SLC37A1: variants seen among roughly 807,000 people sequenced by gnomAD.
SLC37A1 encodes solute carrier family 37 member 1, also known as glucose-6-phosphate exchanger SLC37A1.
Under a neutral mutation model 75.3 loss-of-function variants are expected in SLC37A1, and 49 were observed. The ratio of observed to expected loss-of-function variants is 0.65; its 90% CI spans 0.52 to 0.83. The LOEUF (loss-of-function observed/expected upper bound fraction) is 0.83, where lower values mean the gene tolerates loss of function less well. SLC37A1 is among the 40% of genes least tolerant of loss of function. The pLI is 0.00. For synonymous variants in SLC37A1, 268 were observed against 292.1 expected, an observed-to-expected ratio of 0.92 and a Z score of 0.84; for missense variants, 566 against 695.0, an observed-to-expected ratio of 0.81 and a Z score of 2.09.
chr21:42,501,848 G>A (rs181494655), intron 1 of SLC37A1, among the ~76,000 whole-genome samples: 1 of 152,322 alleles, frequency 6.6e-6, no homozygotes, highest in East Asian at 1.9e-4. Context: ...GCTGCAGATA[G>A]CCTCACTCTA....
intron 9 of SLC37A1, among the ~76,000 whole-genome samples, chr21:42,550,635 CT>C (rs905466510): frequency 1.2e-4 from 18 of 152,308 alleles, no homozygotes; most frequent in African/African-American, 3.6e-4. Flanking sequence ...ACTAAAACCT[CT>C]TAAGAAAACT....
chr21:42,532,929 G>A (rs1392546633), intron 3 of SLC37A1, among the ~76,000 whole-genome samples: 3 of 152,218 alleles, frequency 2.0e-5, no homozygotes, highest in African/African-American at 7.2e-5. Context: ...ACAGCCCAGT[G>A]ATGACGGCAG....
In SLC37A1 at chr21:42,543,463, C is replaced by A; in HGVS notation, c.591C>A (p.Asn197Lys). 6.2e-7 allele frequency: 1 copy of A among 1,614,174 alleles called. No individual in the cohort carries two copies. Among genetic ancestry groups the A allele is most frequent in the Non-Finnish European group, 8.5e-7 (1 of 1,180,016 alleles). Residue 197 changes from asparagine (N) to lysine (K), a missense_variant, in exon 8 of 20, where the codon AAC becomes AAA. Asn to Lys is a moderately conservative substitution (Grantham distance 94). Coordinates refer to ENST00000352133, the MANE Select transcript of SLC37A1 (RefSeq NM_001320537.2). ...GAGGTTTGATTATGGGGGTCTGGAA[C>A]TCCCACACCTCCGTGGGCAACATCT... ...GRRGLIMGVWNSHTSVGNILG... is the reference protein window; with the variant it reads ...GRRGLIMGVWKSHTSVGNILG...
At position 42,524,759 on chromosome 21, in the gene SLC37A1, T is replaced by C. The variant is rs368106140; in HGVS notation, c.57-1017T>C. On this transcript the variant is annotated intron_variant, in intron 2 of 19. Transcript: ENST00000352133. The stretch of plus-strand genomic sequence containing the variant: ...TTAAATAGATGAATGCTTTTGATAT[T>C]GTGACGTAATAATAAGAAACATGCT... 1.5e-4 allele frequency among the ~76,000 whole-genome samples: 23 copies of C among 152,216 alleles called. No homozygotes were observed. The East Asian group carries it at 1.9e-3, about 13-fold the overall frequency.
intron 17 of SLC37A1, among the ~76,000 whole-genome samples, chr21:42,569,690 C>G (rs73908204): frequency 0.027 from 4,054 of 152,378 alleles, 171 homozygotes; most frequent in African/African-American, 0.092. Context: ...CTGGAGCGCT[C>G]TCCCCATCCG....
chr21:42,574,086 TAAGAG>T (rs1281841857), intron 17 of SLC37A1, among the ~76,000 whole-genome samples: 2 of 152,212 alleles, frequency 1.3e-5, no homozygotes, highest in Non-Finnish European at 2.9e-5. Flanking sequence ...CTGAACCACT[TAAGAG>T]TAAGATGCAC....
chr21:42,579,475 G>C (rs967898764), intron 18 of SLC37A1, among the ~76,000 whole-genome samples: 1 of 36,626 alleles, frequency 2.7e-5, no homozygotes, highest in African/African-American at 6.9e-5. Flanking sequence ...CAAAAGCCTT[G>C]TTTTCAGGGC....
rs549527993 is a variant in SLC37A1, at chr21:42,538,162, G to T, written c.351-1350G>T. On this transcript the variant is annotated intron_variant, in intron 5 of 19. Transcript: ENST00000352133. ...AGCTCTCAGGAGCCCATCTGGTTGT[G>T]CCAGCTGTGCTGTGACCTGGGCAGG... is the stretch of plus-strand genomic sequence containing the variant. 5.3e-5 allele frequency among the ~76,000 whole-genome samples: 8 copies of T among 152,330 alleles called. No individual in the cohort carries two copies. In the East Asian group the frequency reaches 1.5e-3, roughly 29 times the overall value.
Position 42,552,433 on chromosome 21 carries a change from C to T in SLC37A1, c.769-1629C>T, listed in dbSNP as rs535784699. Among the ~76,000 whole-genome samples the T allele has an allele frequency of 8.5e-5, 13 of 152,276 alleles. No individual in the cohort carries two copies. Among genetic ancestry groups the T allele is most frequent in the Admixed American group, 5.2e-4 (8 of 15,306 alleles). ...CCAGCCCAGGATGATGTGGGGTGTG[C>T]GTGTTGAGTGTCAGGGACACAGACT... On this transcript the variant is annotated intron_variant, in intron 9 of 19. Transcript: ENST00000352133. This position sits in a 1 kb window ranked among gnomAD's most constrained non-coding sequence, Gnocchi z 4.2.
At chr21:42,515,823 A>G (rs1484714671) in intron 1 of SLC37A1, among the ~76,000 whole-genome samples, 1 of 152,032 alleles carries the variant, frequency 6.6e-6, no homozygotes, top group African/African-American at 2.4e-5. Context: ...TAGTGGTGCA[A>G]TCTCAGCTCA....
chr21:42,516,387 C>T (rs1305443914), intron 1 of SLC37A1, among the ~76,000 whole-genome samples: 4 of 152,182 alleles, frequency 2.6e-5, no homozygotes, highest in African/African-American at 4.8e-5. Context: ...GTGAAAAGAA[C>T]GCCCTGCCTC....
chr21:42,575,141 C>T, intron 18 of SLC37A1: 1 of 985,468 alleles, frequency 1.0e-6, no homozygotes, highest in Non-Finnish European at 1.2e-6. Flanking sequence ...CGGGATAGCA[C>T]AAAGGCCAGG....
intron 18 of SLC37A1, chr21:42,575,621 T>C: frequency 2.0e-6 from 2 of 985,506 alleles, no homozygotes; most frequent in East Asian, 1.1e-4. Context: ...ACAAGTCACC[T>C]GGCCACAAAG....
chr21:42,578,953 G>A (rs2056361889), intron 18 of SLC37A1, among the ~76,000 whole-genome samples: 1 of 152,222 alleles, frequency 6.6e-6, no homozygotes, highest in Non-Finnish European at 1.5e-5. Context: ...GGGTCTGAGG[G>A]CATCTGCTGC....
intron 2 of SLC37A1, among the ~76,000 whole-genome samples, chr21:42,520,112 T>C (rs988220409): frequency 2.6e-5 from 4 of 152,196 alleles, no homozygotes; most frequent in African/African-American, 9.6e-5. Context: ...CATTCTCTTA[T>C]AAAACCACAG....
chr21:42,519,637 C>T (rs1237270981), intron 2 of SLC37A1, among the ~76,000 whole-genome samples: 1 of 152,232 alleles, frequency 6.6e-6, no homozygotes, highest in Non-Finnish European at 1.5e-5. Context: ...CTGGCAGCCC[C>T]CAGCCCTGTG....
chr21:42,508,782 A>G (rs1406524602), intron 2 of SLC37A1: 1 of 152,238 alleles, frequency 6.6e-6, no homozygotes, highest in Non-Finnish European at 1.5e-5. Context: ...CTTGCTACAC[A>G]TATAGAAGAA....
chr21:42,527,122 G>A (rs2054816251), intron 3 of SLC37A1, among the ~76,000 whole-genome samples: 1 of 152,276 alleles, frequency 6.6e-6, no homozygotes, highest in East Asian at 1.9e-4. Flanking sequence ...GGTTGGGTGT[G>A]GATTGTAGGG....
intron 3 of SLC37A1, among the ~76,000 whole-genome samples, chr21:42,526,533 A>T (rs1426577179): frequency 6.6e-6 from 1 of 152,184 alleles, no homozygotes; most frequent in Non-Finnish European, 1.5e-5. Context: ...ACTCTCCGGG[A>T]GTTGGCAGGG....
Sources: allele counts gnomAD v4.1 joint callset (sites outside exome capture counted in the v4.1 genomes callset), GRCh38; gene constraint gnomAD v4.1.1; non-coding constraint Gnocchi (gnomAD v3.1); transcripts MANE v1.5; gene names NCBI Gene and HGNC (gene_info 2026-07-23, HGNC 2026-07-21).